Variants in CAPN7 observed in about 807,000 individuals in gnomAD.
The protein encoded by CAPN7 is calpain 7.
A neutral mutation model predicts 115.2 loss-of-function variants in CAPN7; 72 were observed. The observed-to-expected ratio is 0.63, with a 90% CI of 0.52 to 0.76. CAPN7 has a LOEUF of 0.76. CAPN7 is among the 30% of genes least tolerant of loss of function. The pLI, the probability that CAPN7 is intolerant of heterozygous loss-of-function variation, is 0.00. For synonymous variants in CAPN7, 344 were observed against 322.3 expected, an observed-to-expected ratio of 1.07 and a Z score of -0.72; for missense variants, 905 against 971.5, an observed-to-expected ratio of 0.93 and a Z score of 0.91.
chr3:15,225,948 A>G (rs757178125), intron 6 of CAPN7, among the ~76,000 whole-genome samples: 5 of 152,218 alleles, frequency 3.3e-5, no homozygotes, highest in Non-Finnish European at 7.3e-5. Context: ...ATCATCAGGA[A>G]AAGGCTCCAG....
At chr3:15,241,119 C>T (rs1048628859) in intron 14 of CAPN7, among the ~76,000 whole-genome samples, 2 of 152,124 alleles carry the variant, frequency 1.3e-5, no homozygotes, top group African/African-American at 2.4e-5. Flanking sequence ...GTCAGCAGAT[C>T]GCTCAAGCCT....
chr3:15,235,157 A>G lies in CAPN7; in HGVS notation c.1407+12A>G. Reference sequence around the variant, plus strand: ...TTAGAGAGTTCAAGGTTTTGCCTTAAATCTTTTTCTTTTATTTTTCTTGTT... The same window carrying G: ...TTAGAGAGTTCAAGGTTTTGCCTTAGATCTTTTTCTTTTATTTTTCTTGTT... On this transcript the variant is annotated intron_variant, in intron 12 of 20. Coordinates refer to ENST00000253693, the MANE Select transcript of CAPN7 (RefSeq NM_014296.3). 2 of 1,579,304 alleles carry G rather than the reference A, an allele frequency of 1.3e-6. No homozygotes were observed. The highest frequency in any genetic ancestry group is 1.7e-6 in the Non-Finnish European group (2 of 1,167,412).
intron 6 of CAPN7, among the ~76,000 whole-genome samples, chr3:15,226,674 A>G (rs1458154641): frequency 6.6e-6 from 1 of 152,144 alleles, no homozygotes; most frequent in African/African-American, 2.4e-5. Flanking sequence ...GTGAGATGAT[A>G]ATAAAAAATG....
At chr3:15,209,366 A>G (rs888328188) in intron 1 of CAPN7, among the ~76,000 whole-genome samples, 4 of 152,202 alleles carry the variant, frequency 2.6e-5, no homozygotes, top group African/African-American at 9.7e-5. Context: ...TACATGTGAT[A>G]ATTTAATACA....
chr3:15,228,929 A>G (rs1575200309), intron 7 of CAPN7, 45 bp from the exon 8 acceptor site: 2 of 1,417,932 alleles, frequency 1.4e-6, no homozygotes, highest in East Asian at 4.6e-5. Context: ...GTAATGTTGA[A>G]ATTACGTGAA....
At chr3:15,239,482 C>T (rs568048426) in intron 12 of CAPN7, among the ~76,000 whole-genome samples, 1 of 152,266 alleles carries the variant, frequency 6.6e-6, no homozygotes, top group East Asian at 1.9e-4. Context: ...AGTGGAAAAT[C>T]TGAAAAGGGA....
At chr3:15,232,900 T>C (rs1026297916) in intron 10 of CAPN7, among the ~76,000 whole-genome samples, 1 of 152,200 alleles carries the variant, frequency 6.6e-6, no homozygotes, top group African/African-American at 2.4e-5. Flanking sequence ...ATAAATACAG[T>C]GTACATTTCC....
In CAPN7 at chr3:15,228,989, T is replaced by C; in HGVS notation, c.868T>C (p.Cys290Arg). The change falls in exon 8 of 21, where the codon TGC (cysteine) becomes CGC (arginine). Residue 290 changes from cysteine to arginine, a missense_variant. Physicochemically the swap from Cys to Arg is radical, Grantham distance 180 (BLOSUM62 -3). This residue lies in a region of CAPN7 where 620 missense variants were observed against 703.4 expected (regional missense o/e 0.88). Coordinates refer to ENST00000253693, the MANE Select transcript of CAPN7 (RefSeq NM_014296.3). ...FSIKQTIVSDCSFVASLAISA... is the reference protein window; with the variant it reads ...FSIKQTIVSDRSFVASLAISA... ...TTATTAACAGACAATAGTATCGGAT[T>C]GCTCCTTTGTGGCATCACTGGCCAT... 6.2e-7 allele frequency: 1 copy of C among 1,611,684 alleles called. No individual in the cohort carries two copies. The highest frequency in any genetic ancestry group is 8.5e-7 in the Non-Finnish European group (1 of 1,178,160).
chr3:15,232,551 C>G lies in CAPN7; in HGVS notation c.1065C>G (p.His355Gln), dbSNP rs372905493. Residue 355 changes from histidine to glutamine, a missense_variant, in exon 10 of 21, where the codon CAC becomes CAG. His to Gln is a conservative substitution (Grantham distance 24). Around this residue, in one of 3 missense-constraint regions of CAPN7, gnomAD observed 620 missense variants for 703.4 expected, o/e 0.88. Coordinates refer to ENST00000253693, the MANE Select transcript of CAPN7 (RefSeq NM_014296.3). ...VIIDDQLPVD[H>Q]KGELLCSYSN... ...TTGATGACCAGTTACCTGTTGATCACAAGGGAGAATTGCTCTGTTCTTATT... is the reference window on the plus strand; with the variant it reads ...TTGATGACCAGTTACCTGTTGATCAGAAGGGAGAATTGCTCTGTTCTTATT... The G allele has an allele frequency of 1.9e-6, 3 of 1,611,220 alleles. No homozygotes were observed. In the African/African-American group the frequency reaches 4.0e-5, roughly 22 times the overall value.
At chr3:15,249,677 A>T (rs971603474) in intron 19 of CAPN7, among the ~76,000 whole-genome samples, 4 of 151,794 alleles carry the variant, frequency 2.6e-5, no homozygotes, top group African/African-American at 9.7e-5. Context: ...CCACGTTTAT[A>T]ATATGCTAAG....
intron 6 of CAPN7, among the ~76,000 whole-genome samples, chr3:15,226,165 T>A (rs973587044): frequency 3.3e-5 from 5 of 152,130 alleles, no homozygotes; most frequent in African/African-American, 1.2e-4. Flanking sequence ...AACCTCCGTC[T>A]CCCAGATTCA....
chr3:15,239,741 A>T (rs912166829), intron 12 of CAPN7, among the ~76,000 whole-genome samples: 2 of 152,234 alleles, frequency 1.3e-5, no homozygotes, highest in African/African-American at 4.8e-5. Context: ...TTCATTTTAC[A>T]TATGAGTAAA....
At chr3:15,247,828 AAAAT>A (rs1443482805) in intron 19 of CAPN7, among the ~76,000 whole-genome samples, 1 of 152,244 alleles carries the variant, frequency 6.6e-6, no homozygotes, top group East Asian at 1.9e-4. Flanking sequence ...TGATAAGAAA[AAAAT>A]CTGCAGTTTT....
intron 8 of CAPN7, 38 bp downstream of exon 8, chr3:15,229,097 T>A: frequency 6.9e-7 from 1 of 1,440,752 alleles, no homozygotes; most frequent in Non-Finnish European, 9.8e-7. Context: ...TTTGTGTAAT[T>A]GTCCCTTAAC....
rs1353992020 is a variant in CAPN7 at position 15,227,870 on chromosome 3, A to G, written c.757A>G (p.Lys253Glu). The change falls in exon 7 of 21, where the codon AAA becomes GAA. Residue 253 changes from lysine to glutamate, a missense_variant. This residue lies in a region of CAPN7 where 620 missense variants were observed against 703.4 expected (regional missense o/e 0.88). Transcript: ENST00000253693. ...DRWGKLPLSPKQKTTFSKWVR... is the reference protein window; with the variant it reads ...DRWGKLPLSPEQKTTFSKWVR... ...ATGGGGCAAGCTACCATTATCACCT[A>G]AACAAAAAACTACATTTTCCAAGTG... The G allele has an allele frequency of 6.4e-7, 1 of 1,553,968 alleles. No homozygotes were observed. Among genetic ancestry groups the G allele is most frequent in the Admixed American group, 1.9e-5 (1 of 53,896 alleles).
chr3:15,209,311 A>AT (rs2044808808), intron 1 of CAPN7, among the ~76,000 whole-genome samples: 1 of 152,106 alleles, frequency 6.6e-6, no homozygotes, highest in East Asian at 1.9e-4. Context: ...CCCCCAGCCT[A>AT]TTTTTTTCTT....
chr3:15,247,096 A>C (rs1394255758), intron 18 of CAPN7: 1 of 564,034 alleles, frequency 1.8e-6, no homozygotes, highest in South Asian at 2.4e-5. Context: ...GGAAGATTCT[A>C]TGGAAAATTC....
intron 15 of CAPN7, among the ~76,000 whole-genome samples, 189 bp from the exon 16 acceptor site, chr3:15,241,989 T>C (rs1695376145): frequency 6.6e-6 from 1 of 152,250 alleles, no homozygotes; most frequent in Admixed American, 6.5e-5. Context: ...ATTGTGGTCA[T>C]CTATTAAAAT....
chr3:15,241,700 G>T, intron 15 of CAPN7, 112 bp downstream of exon 15: 1 of 781,864 alleles, frequency 1.3e-6, no homozygotes, highest in Non-Finnish European at 2.0e-6. Flanking sequence ...GGTGCCCTGA[G>T]AATAGTGTTT....
Sources: gnomAD v4.1 joint callset for allele counts (sites outside exome capture counted in the v4.1 genomes callset) on GRCh38, gnomAD v4.1.1 for gene constraint, gnomAD v4.1.1 regional missense constraint, MANE v1.5 for transcripts, NCBI Gene and HGNC (gene_info 2026-07-23, HGNC 2026-07-21) for gene names.